Variants in GPATCH8 observed in about 807,000 individuals in gnomAD.
The protein encoded by GPATCH8 is G patch domain-containing protein 8.
A neutral mutation model predicts 118.3 loss-of-function variants in GPATCH8; 18 were observed. The observed-to-expected ratio is 0.15, with a 90% CI of 0.11 to 0.23. The LOEUF (loss-of-function observed/expected upper bound fraction) is 0.23. Ranked by LOEUF, GPATCH8 falls within the 10% of genes least tolerant of loss-of-function variation. The probability of loss-of-function intolerance (pLI) is 1.00; values close to 1 mark genes in which losing one functional copy is unlikely to be tolerated. For synonymous variants in GPATCH8, 659 were observed against 684.7 expected, an observed-to-expected ratio of 0.96 and a Z score of 0.59; for missense variants, 1,631 against 1,873.8, an observed-to-expected ratio of 0.87 and a Z score of 2.39.
chr17:44,499,899 TAA>T (rs398039126), intron 1 of GPATCH8, among the ~76,000 whole-genome samples: 6 of 132,626 alleles, frequency 4.5e-5, no homozygotes, highest in Non-Finnish European at 3.3e-5. Context: ...TTCCAAAGAT[TAA>T]AAAAAAAAAA....
At chr17:44,458,273 A>T (rs866399054) in intron 3 of GPATCH8, among the ~76,000 whole-genome samples, 64 of 150,234 alleles carry the variant, frequency 4.3e-4, no homozygotes, top group African/African-American at 1.3e-3. Flanking sequence ...AAAAAAAAAA[A>T]GCTGGATTCA....
intron 1 of GPATCH8, among the ~76,000 whole-genome samples, chr17:44,477,057 T>C (rs1967840098): frequency 1.3e-5 from 2 of 152,098 alleles, no homozygotes; most frequent in South Asian, 4.1e-4. Flanking sequence ...ACGAATTCAG[T>C]GTGTGGAAAG....
chr17:44,502,264 G>C (rs987593048), intron 1 of GPATCH8, among the ~76,000 whole-genome samples: 1 of 151,930 alleles, frequency 6.6e-6, no homozygotes, highest in Admixed American at 6.6e-5. Context: ...CTTTCGTACT[G>C]CTTTGAGTAG....
At chr17:44,480,770 C>T (rs868398910) in intron 1 of GPATCH8, among the ~76,000 whole-genome samples, 13 of 151,812 alleles carry the variant, frequency 8.6e-5, no homozygotes, top group South Asian at 2.1e-4. Context: ...ACTCAAGAGG[C>T]TGAGGCAGGA....
intron 3 of GPATCH8, among the ~76,000 whole-genome samples, chr17:44,453,381 A>G (rs893559220): frequency 1.3e-5 from 2 of 152,128 alleles, no homozygotes; most frequent in African/African-American, 2.4e-5. Flanking sequence ...TAATTCTCTC[A>G]GGGGCTTATT....
At chr17:44,500,691 C>T (rs920953860) in intron 1 of GPATCH8, among the ~76,000 whole-genome samples, 1 of 152,114 alleles carries the variant, frequency 6.6e-6, no homozygotes, top group Non-Finnish European at 1.5e-5. Flanking sequence ...CTCGAACTTA[C>T]CAGAGAAGAT....
chr17:44,426,683 G>A (rs2050100175), intron 5 of GPATCH8, among the ~76,000 whole-genome samples: 1 of 151,726 alleles, frequency 6.6e-6, no homozygotes, highest in African/African-American at 2.4e-5. Flanking sequence ...ACAAGAAAGG[G>A]CACATAGTGT....
chr17:44,465,441 A>C (rs1277722718), intron 2 of GPATCH8: 3 of 152,184 alleles, frequency 2.0e-5, no homozygotes, highest in African/African-American at 7.2e-5. Flanking sequence ...CTTTCGTTTA[A>C]GGGGTCAAGG....
chr17:44,399,452 A>G lies in GPATCH8; in HGVS notation c.2625T>C (p.Asp875=), dbSNP rs1206489661. Residue 875 remains aspartate (D), a synonymous_variant, in exon 8 of 8, where the codon GAT becomes GAC. Transcript: ENST00000591680. The part of the protein sequence containing the change: ...SSRRSYSSSS[D]ASSDQSCYSR... The stretch of plus-strand genomic sequence containing the variant: ...TATAGCAGCTCTGGTCTGAAGAGGC[A>G]TCTGAGCTACTTGAGTAAGAACGCC... The G allele has an allele frequency of 1.2e-6, 2 of 1,614,190 alleles. No homozygotes were observed. Among genetic ancestry groups the G allele is most frequent in the Admixed American group, 3.3e-5 (2 of 60,022 alleles).
At chr17:44,415,187 A>T (rs1567957046) in intron 6 of GPATCH8, among the ~76,000 whole-genome samples, 1 of 152,138 alleles carries the variant, frequency 6.6e-6, no homozygotes, top group African/African-American at 2.4e-5. Context: ...GAGGGCTCTA[A>T]CTTCTTGATA....
chr17:44,500,650 T>C (rs1033040187), intron 1 of GPATCH8, among the ~76,000 whole-genome samples: 3 of 152,218 alleles, frequency 2.0e-5, no homozygotes, highest in African/African-American at 7.2e-5. Context: ...TAAATCATCC[T>C]GCTAAATTAA....
intron 5 of GPATCH8, among the ~76,000 whole-genome samples, chr17:44,429,159 G>T (rs1387926548): frequency 3.9e-5 from 6 of 151,922 alleles, no homozygotes; most frequent in African/African-American, 1.5e-4. Flanking sequence ...TATTTACACA[G>T]ACAAAAAGCC....
intron 6 of GPATCH8, among the ~76,000 whole-genome samples, chr17:44,407,679 T>C (rs1225124832): frequency 2.1e-5 from 3 of 144,772 alleles, no homozygotes; most frequent in East Asian, 2.0e-4. Flanking sequence ...TTTTTTGAGA[T>C]GGAGTCTCAC....
At chr17:44,453,023 G>A (rs1260397972) in intron 3 of GPATCH8, among the ~76,000 whole-genome samples, 7 of 152,062 alleles carry the variant, frequency 4.6e-5, no homozygotes, top group Admixed American at 4.6e-4. Flanking sequence ...AGTAGAGATG[G>A]GGTTTTGCCA....
chr17:44,470,904 C>T (rs1967228999), intron 2 of GPATCH8, among the ~76,000 whole-genome samples: 1 of 152,198 alleles, frequency 6.6e-6, no homozygotes, highest in African/African-American at 2.4e-5. Context: ...GGAGCTATGG[C>T]TTTAGATCAA....
chr17:44,443,272 T>A (rs988784901), intron 3 of GPATCH8, among the ~76,000 whole-genome samples: 5 of 152,242 alleles, frequency 3.3e-5, no homozygotes, highest in Non-Finnish European at 7.3e-5. Flanking sequence ...GTTAATGGAC[T>A]TAAATATCAT....
chr17:44,474,996 C>A, intron 1 of GPATCH8, 93 bp from the exon 2 acceptor site: 1 of 625,802 alleles, frequency 1.6e-6, no homozygotes, highest in Non-Finnish European at 2.9e-6. Context: ...TTTAACTTTT[C>A]TTTTTTTTTT....
intron 3 of GPATCH8, among the ~76,000 whole-genome samples, chr17:44,457,129 C>T (rs927728431): frequency 2.0e-5 from 3 of 152,158 alleles, no homozygotes; most frequent in Non-Finnish European, 4.4e-5. Flanking sequence ...TCCCAAAGTG[C>T]TGGGATTACA....
intron 2 of GPATCH8, among the ~76,000 whole-genome samples, chr17:44,470,494 CTT>C (rs35343849): frequency 5.2e-5 from 4 of 76,322 alleles, no homozygotes; most frequent in South Asian, 3.9e-4. Context: ...GCACCCAGCG[CTT>C]TTTTTTTTTT....
Sources: allele counts gnomAD v4.1 joint callset (sites outside exome capture counted in the v4.1 genomes callset), GRCh38; gene constraint gnomAD v4.1.1; transcripts MANE v1.5; gene names NCBI Gene and HGNC (gene_info 2026-07-23, HGNC 2026-07-21).